ADK: variants seen among roughly 807,000 people sequenced by gnomAD.
The protein encoded by ADK is N6,N6-dimethyladenosine kinase.
Under a neutral mutation model 44.7 loss-of-function variants are expected in ADK, and 24 were observed. The observed-to-expected ratio is 0.54, with a 90% CI of 0.39 to 0.76. The LOEUF is 0.76. Ranked by LOEUF, ADK falls within the 30% of genes least tolerant of loss-of-function variation. The probability of loss-of-function intolerance (pLI) is 0.00; values close to 1 mark genes in which losing one functional copy is unlikely to be tolerated. For synonymous variants in ADK, 128 were observed against 142.6 expected, an observed-to-expected ratio of 0.90 and a Z score of 0.73; for missense variants, 321 against 425.1, an observed-to-expected ratio of 0.76 and a Z score of 2.15.
chr10:74,468,585 A>G (rs1293228997), intron 6 of ADK, among the ~76,000 whole-genome samples: 1 of 152,198 alleles, frequency 6.6e-6, no homozygotes, highest in Non-Finnish European at 1.5e-5. Context: ...ATTATTAGGC[A>G]TAGTTTTGCC....
chr10:74,450,716 ACAAGACATATTAATAGCTTTTCTGTAGAG>A (rs1845742724), intron 6 of ADK, among the ~76,000 whole-genome samples: 2 of 152,290 alleles, frequency 1.3e-5, no homozygotes, highest in South Asian at 4.1e-4. Context: ...CTTCCAGTGA[ACAAGACATATTAATAGCTTTTCTGTAGAG>A]CAAGGCATAT....
rs1319327365 is a variant in ADK, at chr10:74,458,146, T to TG, written c.555+59573dup. Among the ~76,000 whole-genome samples, 21 of 106,350 alleles carry TG rather than the reference T, an allele frequency of 2.0e-4. No individual in the cohort carries two copies. The East Asian group carries it at 2.7e-3, about 14-fold the overall frequency. The allele number at this position is 106,350 out of a possible 152,430, so 69.8% of individuals were successfully genotyped here. A position where few individuals can be genotyped will look rare whatever the true frequency, so the allele number is the denominator to read the frequency against. Reference sequence around the variant, plus strand: ...TTTTTTTTTTTTTTTTTTTTTTTTTTGGGGGGAGAAGGTCTCACTCTGTTG... The same window carrying TG: ...TTTTTTTTTTTTTTTTTTTTTTTTTTGGGGGGGAGAAGGTCTCACTCTGTTG... On this transcript the variant is annotated intron_variant, in intron 6 of 10. Coordinates refer to ENST00000539909, the MANE Select transcript of ADK (RefSeq NM_006721.4).
At chr10:74,523,588 T>C (rs1269719216) in intron 6 of ADK, among the ~76,000 whole-genome samples, 1 of 152,172 alleles carries the variant, frequency 6.6e-6, no homozygotes, top group Non-Finnish European at 1.5e-5. Context: ...CTCACCTCTT[T>C]CATGACCTTT....
chr10:74,155,445 C>T (rs1264298033), intron 1 of ADK, among the ~76,000 whole-genome samples: 1 of 151,654 alleles, frequency 6.6e-6, no homozygotes, highest in African/African-American at 2.4e-5. Flanking sequence ...TGTGAGCCAC[C>T]AAGCCTGGCC....
intron 7 of ADK, among the ~76,000 whole-genome samples, chr10:74,558,363 C>A (rs1228853829): frequency 6.6e-6 from 1 of 152,136 alleles, no homozygotes; most frequent in African/African-American, 2.4e-5. Flanking sequence ...GTGCCCAGCT[C>A]ATCATTTTCT....
rs924251164 is a variant in ADK at position 74,607,959 on chromosome 10, T to C, written c.877+7466T>C. Among the ~76,000 whole-genome samples, 3 of 151,862 alleles carry C rather than the reference T, an allele frequency of 2.0e-5. No individual in the cohort carries two copies. The East Asian group carries it at 5.8e-4, about 29-fold the overall frequency. On this transcript the variant is annotated intron_variant, in intron 9 of 10. Coordinates refer to ENST00000539909, the MANE Select transcript of ADK (RefSeq NM_006721.4). ...CATTCTTTTTTCTCTAATCTTGTCA[T>C]GATGCTTTATTTCATTAAGTTGATC...
chr10:74,645,168 C>G (rs1016761866), intron 9 of ADK, among the ~76,000 whole-genome samples: 1 of 152,148 alleles, frequency 6.6e-6, no homozygotes. Flanking sequence ...CCCCCTGCCC[C>G]AAGGCAAATG....
At chr10:74,463,113 T>C (rs1049608615) in intron 6 of ADK, among the ~76,000 whole-genome samples, 11 of 152,158 alleles carry the variant, frequency 7.2e-5, no homozygotes, top group African/African-American at 2.4e-4. Context: ...AAAAAATCTT[T>C]ACTATTTATT....
At chr10:74,473,347 C>T (rs1174954653) in intron 6 of ADK, among the ~76,000 whole-genome samples, 1 of 152,130 alleles carries the variant, frequency 6.6e-6, no homozygotes, top group Non-Finnish European at 1.5e-5. Context: ...CTAATATTAA[C>T]ACCTTAAATA....
At chr10:74,387,951 A>G (rs1592138220) in intron 4 of ADK, among the ~76,000 whole-genome samples, 1 of 151,464 alleles carries the variant, frequency 6.6e-6, no homozygotes. Context: ...CTTATTGCCC[A>G]GGCTGGAATG....
intron 3 of ADK, among the ~76,000 whole-genome samples, chr10:74,303,347 T>C (rs964375774): frequency 9.2e-5 from 14 of 152,188 alleles, no homozygotes; most frequent in African/African-American, 3.4e-4. Context: ...AGTTCCCCCA[T>C]TTAAGAAAGA....
chr10:74,666,607 T>G (rs967889787), intron 9 of ADK, among the ~76,000 whole-genome samples: 1 of 152,110 alleles, frequency 6.6e-6, no homozygotes, highest in Non-Finnish European at 1.5e-5. Flanking sequence ...AGAAAGCTAG[T>G]TTTTACTAAT....
In ADK at chr10:74,575,113, A is replaced by G. The variant is rs575403011; in HGVS notation, c.727-14169A>G. On this transcript the variant is annotated intron_variant, in intron 7 of 10. Coordinates refer to ENST00000539909, the MANE Select transcript of ADK (RefSeq NM_006721.4). ...GTATGAACCACAAAAAAATCAAGTC[A>G]GTGTCAATCTAATGCAGATTTATTT... Among the ~76,000 whole-genome samples, 40 of 152,346 alleles carry G rather than the reference A, an allele frequency of 2.6e-4. No individual in the cohort carries two copies. The South Asian group carries it at 8.1e-3, about 31-fold the overall frequency.
chr10:74,597,207 A>C (rs1334832859), intron 8 of ADK, among the ~76,000 whole-genome samples: 1 of 152,176 alleles, frequency 6.6e-6, no homozygotes, highest in African/African-American at 2.4e-5. Context: ...GCATTAAGCT[A>C]TTTCACTTAC....
Position 74,484,641 on chromosome 10 carries a change from ACTC to A in ADK, c.556-40612_556-40610del, listed in dbSNP as rs137861208. Among the ~76,000 whole-genome samples the A allele has an allele frequency of 3.1e-3, 465 of 152,154 alleles. 2 individuals carry two copies. The highest frequency in any genetic ancestry group is 0.01 in the African/African-American group (433 of 41,488). ...GCAAAACGGCAAGAATATTCAAACT[ACTC>A]CTGAAGAGGGACAACAAAGTGGGAT... On this transcript the variant is annotated intron_variant, in intron 6 of 10. Coordinates refer to ENST00000539909, the MANE Select transcript of ADK (RefSeq NM_006721.4).
intron 9 of ADK, among the ~76,000 whole-genome samples, chr10:74,659,702 C>A (rs1854626984): frequency 6.6e-6 from 1 of 152,190 alleles, no homozygotes; most frequent in Admixed American, 6.5e-5. Flanking sequence ...GGAAGACAGT[C>A]CGAGTCTCAA....
chr10:74,456,123 A>G (rs1212310372), intron 6 of ADK, among the ~76,000 whole-genome samples: 2 of 152,102 alleles, frequency 1.3e-5, no homozygotes, highest in African/African-American at 4.8e-5. Context: ...AATATTAGAC[A>G]GATCAACGAG....
At chr10:74,450,645 T>C (rs1564729083) in intron 6 of ADK, among the ~76,000 whole-genome samples, 1 of 152,174 alleles carries the variant, frequency 6.6e-6, no homozygotes, top group African/African-American at 2.4e-5. Flanking sequence ...TGTTTTTATG[T>C]ATTTGAAGTT....
chr10:74,697,256 T>C (rs1765994708), intron 10 of ADK, among the ~76,000 whole-genome samples: 1 of 152,154 alleles, frequency 6.6e-6, no homozygotes, highest in South Asian at 2.1e-4. Flanking sequence ...AAAACTATTC[T>C]GGCCGGGCAC....
Sources: allele counts gnomAD v4.1 joint callset (sites outside exome capture counted in the v4.1 genomes callset), GRCh38; gene constraint gnomAD v4.1.1; transcripts MANE v1.5; gene names NCBI Gene and HGNC (gene_info 2026-07-23, HGNC 2026-07-21).